Variants in JMJD1C observed in about 807,000 individuals in gnomAD.
The protein encoded by JMJD1C is jumonji domain-containing protein 1C.
JMJD1C carries 31 observed loss-of-function variants against 245.3 expected under a neutral mutation model. The observed-to-expected ratio is 0.13, with a 90% CI of 0.09 to 0.17. The LOEUF (loss-of-function observed/expected upper bound fraction) is 0.17. Ranked by LOEUF, JMJD1C falls within the 10% of genes least tolerant of loss-of-function variation. JMJD1C has a pLI of 1.00. For missense variants in JMJD1C, 2,691 were observed against 3,000.2 expected, an observed-to-expected ratio of 0.90 and a Z score of 2.41; for synonymous variants, 1,057 against 1,017.4, an observed-to-expected ratio of 1.04 and a Z score of -0.74.
At chr10:63,169,247 T>C (rs563145482) in intron 24 of JMJD1C, among the ~76,000 whole-genome samples, 44 of 152,280 alleles carry the variant, frequency 2.9e-4, no homozygotes, top group Non-Finnish European at 4.4e-4. Flanking sequence ...AGCCAGTCAA[T>C]AGTCTTATCT....
intron 2 of JMJD1C, among the ~76,000 whole-genome samples, chr10:63,281,365 C>A (rs755236439): frequency 1.7e-5 from 2 of 119,136 alleles, no homozygotes; most frequent in Middle Eastern, 4.7e-3. Context: ...TTCACCATGT[C>A]GGCCAGACTG....
chr10:63,320,175 G>A (rs1167457310), intron 2 of JMJD1C, among the ~76,000 whole-genome samples: 1 of 152,022 alleles, frequency 6.6e-6, no homozygotes, highest in Non-Finnish European at 1.5e-5. Context: ...CAAAGTGCTG[G>A]GATTACAGGA....
chr10:63,318,283 T>C (rs944172682), intron 2 of JMJD1C, among the ~76,000 whole-genome samples: 2 of 152,124 alleles, frequency 1.3e-5, no homozygotes, highest in Non-Finnish European at 2.9e-5. Context: ...TCCCAAAGTG[T>C]TGGCATTACA....
At chr10:63,247,100 G>GA (rs1564676176) in intron 3 of JMJD1C, among the ~76,000 whole-genome samples, 1 of 76,902 alleles carries the variant, frequency 1.3e-5, no homozygotes, top group Non-Finnish European at 3.5e-5. Context: ...AATAAACTGA[G>GA]ACAAAAAAAA....
intron 3 of JMJD1C, among the ~76,000 whole-genome samples, chr10:63,223,376 T>C (rs755113823): frequency 6.6e-5 from 10 of 151,702 alleles, no homozygotes; most frequent in Non-Finnish European, 1.3e-4. Flanking sequence ...TACAGGCGCA[T>C]ACCACCATGC....
intron 1 of JMJD1C, among the ~76,000 whole-genome samples, chr10:63,419,344 A>AAGTAATG (rs1949982228): frequency 6.6e-6 from 1 of 151,910 alleles, no homozygotes; most frequent in Non-Finnish European, 1.5e-5. Context: ...CCAAGATCAC[A>AAGTAATG]CCATTGCACT....
intron 5 of JMJD1C, 25 bp from the exon 6 acceptor site, chr10:63,215,721 C>T (rs772846330): frequency 6.8e-7 from 1 of 1,473,612 alleles, no homozygotes; most frequent in South Asian, 1.4e-5. Context: ...AAAACAAAAA[C>T]AAAAATTAAA....
At chr10:63,253,393 T>G (rs1383908790) in intron 3 of JMJD1C, among the ~76,000 whole-genome samples, 1 of 151,942 alleles carries the variant, frequency 6.6e-6, no homozygotes, top group Non-Finnish European at 1.5e-5. Context: ...ACACCTTTTT[T>G]TTTTTTTTGA....
upstream of JMJD1C, among the ~76,000 whole-genome samples, chr10:63,468,196 T>C (rs985024924): frequency 9.2e-5 from 14 of 152,214 alleles, no homozygotes; most frequent in African/African-American, 3.1e-4. Flanking sequence ...TTTAATCAAG[T>C]ATCTTAATAT....
intron 2 of JMJD1C, among the ~76,000 whole-genome samples, chr10:63,282,188 C>G (rs540286074): frequency 4.7e-4 from 71 of 152,274 alleles, no homozygotes; most frequent in Non-Finnish European, 8.4e-4. Flanking sequence ...TCCCCATTAC[C>G]TCCTTGTTTG....
Position 63,193,155 on chromosome 10 carries a change from C to T in JMJD1C, c.5863-4G>A, listed in dbSNP as rs761120004. The T allele has an allele frequency of 3.1e-6, 5 of 1,605,476 alleles. 1 individual carries two copies. In the South Asian group the frequency reaches 4.4e-5, roughly 14 times the overall value. ...GATTAAGAACATTCTGTAAAACCTA[C>T]AAAGGTAGAACAATTACATTTTTAA... On this transcript the variant is annotated splice_polypyrimidine_tract_variant and splice_region_variant and intron_variant, in intron 15 of 25. Transcript: ENST00000399262.
At chr10:63,418,276 C>T (rs1949912446) in intron 1 of JMJD1C, among the ~76,000 whole-genome samples, 1 of 152,146 alleles carries the variant, frequency 6.6e-6, no homozygotes, top group Admixed American at 6.5e-5. Context: ...GGTCTGGGGA[C>T]CACACTTTAA....
At chr10:63,376,888 A>T (rs1946785163) in intron 2 of JMJD1C, among the ~76,000 whole-genome samples, 1 of 152,194 alleles carries the variant, frequency 6.6e-6, no homozygotes, top group Admixed American at 6.5e-5. Flanking sequence ...TTAAAAATGC[A>T]ATTACCATCT....
chr10:63,452,449 G>T (rs762894963), intron 1 of JMJD1C, among the ~76,000 whole-genome samples: 36 of 152,182 alleles, frequency 2.4e-4, no homozygotes, highest in Non-Finnish European at 5.0e-4. Context: ...TGTTGACTAG[G>T]ATGTAGAGAA....
At chr10:63,370,559 G>A (rs1168276607) in intron 2 of JMJD1C, among the ~76,000 whole-genome samples, 1 of 152,160 alleles carries the variant, frequency 6.6e-6, no homozygotes, top group African/African-American at 2.4e-5. Context: ...TACCTTCCTT[G>A]ATAACTGCTA....
chr10:63,512,208 T>C (rs980346557), intron 1 of JMJD1C, among the ~76,000 whole-genome samples: 1 of 152,212 alleles, frequency 6.6e-6, no homozygotes, highest in African/African-American at 2.4e-5. Context: ...AACTGTTATC[T>C]GTCAGATCAA....
At chr10:63,338,127 G>C (rs929896501) in intron 2 of JMJD1C, among the ~76,000 whole-genome samples, 1 of 152,110 alleles carries the variant, frequency 6.6e-6, no homozygotes, top group Non-Finnish European at 1.5e-5. Context: ...GCTCTTTAGA[G>C]TAAATCTGAA....
chr10:63,455,439 T>C (rs1952350772), intron 1 of JMJD1C, among the ~76,000 whole-genome samples: 1 of 152,216 alleles, frequency 6.6e-6, no homozygotes, highest in Non-Finnish European at 1.5e-5. Context: ...TTTCTTCTCC[T>C]TTAGGTTCCA....
intron 1 of JMJD1C, among the ~76,000 whole-genome samples, chr10:63,424,887 T>C (rs1249484236): frequency 6.6e-6 from 1 of 152,128 alleles, no homozygotes. Flanking sequence ...TCAAGAAAAC[T>C]TTTTCAGAAC....
Sources: allele counts gnomAD v4.1 joint callset (sites outside exome capture counted in the v4.1 genomes callset), GRCh38; gene constraint gnomAD v4.1.1; transcripts MANE v1.5; gene names NCBI Gene and HGNC (gene_info 2026-07-23, HGNC 2026-07-21).